Variants in ADAMTS17 observed in about 807,000 individuals in gnomAD.
ADAMTS17 encodes the protein ADAM metallopeptidase with thrombospondin type 1 motif 17.
ADAMTS17 carries 113 observed loss-of-function variants against 141.5 expected under a neutral mutation model. That is an observed-to-expected ratio of 0.80 (90% CI 0.69 to 0.93). ADAMTS17 has a LOEUF of 0.93. ADAMTS17 is among the 40% of genes least tolerant of loss of function. The probability of loss-of-function intolerance (pLI) is 0.00; values close to 1 mark genes in which losing one functional copy is unlikely to be tolerated. For missense variants in ADAMTS17, 1,659 were observed against 1,517.9 expected (o/e 1.09, Z -1.54); for synonymous variants, 768 against 630.6 (o/e 1.22, Z -3.27).
intron 18 of ADAMTS17, among the ~76,000 whole-genome samples, chr15:100,038,578 C>A (rs2030969183): frequency 6.6e-6 from 1 of 151,918 alleles, no homozygotes; most frequent in African/African-American, 2.4e-5. Context: ...GTATTTTATT[C>A]TTTTTGATGT....
At chr15:100,140,775 C>T (rs528930212) in intron 10 of ADAMTS17, among the ~76,000 whole-genome samples, 5 of 152,012 alleles carry the variant, frequency 3.3e-5, no homozygotes, top group Admixed American at 6.6e-5. Context: ...TTCCTCTTCC[C>T]GCTTCCCCTG....
intron 20 of ADAMTS17, among the ~76,000 whole-genome samples, chr15:99,991,236 C>T (rs1391491433): frequency 2.6e-5 from 4 of 152,134 alleles, no homozygotes; most frequent in Admixed American, 2.0e-4. Flanking sequence ...GAACAGGCAA[C>T]CTACAGAATG....
Position 100,133,253 on chromosome 15 carries a change from C to T in ADAMTS17, c.1536G>A (p.Leu512=). ...ACTCGGTGCCATCCAGGGGAGGGTC[C>T]AGCTTGGTCTTGCAGGATGTGTCTC... ...VEGDTSCKTK[L]DPPLDGTECG... The change falls in exon 11 of 22, where the codon CTG becomes CTA. Residue 512 remains leucine (L), a synonymous_variant. Coordinates refer to ENST00000268070, the MANE Select transcript of ADAMTS17 (RefSeq NM_139057.4). 6.2e-7 allele frequency: 1 copy of T among 1,600,044 alleles called. No individual in the cohort carries two copies. The highest frequency in any genetic ancestry group is 8.5e-7 in the Non-Finnish European group (1 of 1,172,196).
intron 18 of ADAMTS17, among the ~76,000 whole-genome samples, chr15:100,044,425 C>G (rs1274739536): frequency 6.6e-6 from 1 of 152,174 alleles, no homozygotes; most frequent in African/African-American, 2.4e-5. Context: ...AATCTTTCAT[C>G]ATCTTACTCT....
intron 18 of ADAMTS17, among the ~76,000 whole-genome samples, chr15:100,005,949 T>C (rs1303569090): frequency 2.0e-5 from 3 of 151,814 alleles, no homozygotes; most frequent in African/African-American, 7.3e-5. Flanking sequence ...GAAGCATCAC[T>C]CCAGCCCCAG....
chr15:100,032,717 G>T (rs1384393109), intron 18 of ADAMTS17, among the ~76,000 whole-genome samples: 7 of 152,226 alleles, frequency 4.6e-5, no homozygotes, highest in Non-Finnish European at 1.0e-4. Flanking sequence ...CAGAAAGTAT[G>T]TAAGATTTAA....
intron 10 of ADAMTS17, among the ~76,000 whole-genome samples, chr15:100,142,854 T>C (rs2038724986): frequency 6.6e-6 from 1 of 152,212 alleles, no homozygotes; most frequent in African/African-American, 2.4e-5. Context: ...CTTCCTGAAA[T>C]GATTGGCTGA....
intron 7 of ADAMTS17, among the ~76,000 whole-genome samples, chr15:100,205,139 G>T (rs902740624): frequency 7.9e-5 from 12 of 152,090 alleles, no homozygotes; most frequent in African/African-American, 2.9e-4. Flanking sequence ...GGTTTCCCAG[G>T]TACCTCCAGG....
intron 18 of ADAMTS17, among the ~76,000 whole-genome samples, chr15:100,018,967 A>C (rs755777117): frequency 1.1e-4 from 17 of 152,206 alleles, no homozygotes; most frequent in African/African-American, 1.7e-4. Context: ...GCCTTATTCC[A>C]CTTCTAGGGA....
chr15:99,977,387 TATATATATATATAA>T (rs1408801970), intron 20 of ADAMTS17, among the ~76,000 whole-genome samples: 1,203 of 14,446 alleles, frequency 0.083, 291 homozygotes, highest in African/African-American at 0.12. Flanking sequence ...TATATATATA[TATATATATATATAA>T]TTTTTTTTTT....
intron 15 of ADAMTS17, among the ~76,000 whole-genome samples, chr15:100,091,010 C>CAACAAAAAAAA (rs1555446585): frequency 9.2e-5 from 5 of 54,610 alleles, no homozygotes; most frequent in East Asian, 5.6e-4. Context: ...TCCGTCTCAA[C>CAACAAAAAAAA]AAAAAAAAAA....
chr15:100,156,449 C>T (rs377154025), intron 8 of ADAMTS17, among the ~76,000 whole-genome samples: 44 of 152,302 alleles, frequency 2.9e-4, no homozygotes, highest in Non-Finnish European at 5.6e-4. Flanking sequence ...TTGGAGGATC[C>T]GCTGCCTGGC....
chr15:100,041,525 G>A lies in ADAMTS17; in HGVS notation c.2591+7332C>T, dbSNP rs533214890. Among the ~76,000 whole-genome samples the A allele has an allele frequency of 2.6e-5, 4 of 152,330 alleles. No homozygotes were observed. In the South Asian group the frequency reaches 8.3e-4, roughly 32 times the overall value. On this transcript the variant is annotated intron_variant, in intron 18 of 21. Coordinates refer to ENST00000268070, the MANE Select transcript of ADAMTS17 (RefSeq NM_139057.4). ...GTCTCGTCACACAGTACTGCTCTTTGGATGCTGAATGATGGGGAGGCCTCT... is the reference window on the plus strand; with the variant it reads ...GTCTCGTCACACAGTACTGCTCTTTAGATGCTGAATGATGGGGAGGCCTCT...
At chr15:100,070,000 T>C (rs1269638686) in intron 15 of ADAMTS17, among the ~76,000 whole-genome samples, 1 of 150,046 alleles carries the variant, frequency 6.7e-6, no homozygotes, top group African/African-American at 2.5e-5. Flanking sequence ...AGGAAATCCA[T>C]CTCATGTGCA....
intron 15 of ADAMTS17, among the ~76,000 whole-genome samples, chr15:100,072,443 T>C (rs1267857310): frequency 2.8e-4 from 38 of 137,040 alleles, no homozygotes; most frequent in Middle Eastern, 7.6e-3. Flanking sequence ...GAGCCCGCAT[T>C]GCCAAGTCAA....
chr15:100,204,485 C>T (rs1244960370), intron 7 of ADAMTS17, among the ~76,000 whole-genome samples: 1 of 152,206 alleles, frequency 6.6e-6, no homozygotes, highest in Non-Finnish European at 1.5e-5. Context: ...TGTGTTCTTG[C>T]AAACCTAAGT....
intron 18 of ADAMTS17, among the ~76,000 whole-genome samples, chr15:100,036,689 A>G (rs894091184): frequency 6.6e-6 from 1 of 152,200 alleles, no homozygotes. Flanking sequence ...TCTTTTTATT[A>G]CAACAAAAGA....
intron 7 of ADAMTS17, among the ~76,000 whole-genome samples, chr15:100,215,274 T>C (rs2041934535): frequency 6.6e-6 from 1 of 152,228 alleles, no homozygotes; most frequent in African/African-American, 2.4e-5. Flanking sequence ...GATCAGCTGC[T>C]TGTGAGATGA....
At chr15:100,212,732 G>A (rs540131554) in intron 7 of ADAMTS17, among the ~76,000 whole-genome samples, 2 of 151,618 alleles carry the variant, frequency 1.3e-5, no homozygotes, top group South Asian at 2.1e-4. Context: ...TGTGCTTTTC[G>A]TTGCCAGATC....
Sources: allele counts gnomAD v4.1 joint callset (sites outside exome capture counted in the v4.1 genomes callset), GRCh38; gene constraint gnomAD v4.1.1; transcripts MANE v1.5; gene names NCBI Gene and HGNC (gene_info 2026-07-23, HGNC 2026-07-21).